MYBPC1: variants seen among roughly 807,000 people sequenced by gnomAD.
The protein encoded by MYBPC1 is myosin-binding protein C, slow-type.
Under a neutral mutation model 147.1 loss-of-function variants are expected in MYBPC1, and 52 were observed. The observed-to-expected ratio is 0.35, with a 90% CI of 0.28 to 0.45. The LOEUF is 0.45. Ranked by LOEUF, MYBPC1 falls within the 20% of genes least tolerant of loss-of-function variation. The probability of loss-of-function intolerance (pLI) is 1.00; values close to 1 mark genes in which losing one functional copy is unlikely to be tolerated. For missense variants in MYBPC1, 1,228 were observed against 1,440.3 expected (o/e 0.85, Z 2.39); for synonymous variants, 477 against 475.9 (o/e 1.00, Z -0.03).
At chr12:101,665,292 CT>C (rs1387050942) in intron 22 of MYBPC1, among the ~76,000 whole-genome samples, 3 of 152,156 alleles carry the variant, frequency 2.0e-5, no homozygotes, top group Non-Finnish European at 4.4e-5. Context: ...ACGTGTATCT[CT>C]TTCTTCTTGC....
At chr12:101,685,223 G>A (rs2136964463) in intron 31 of MYBPC1, among the ~76,000 whole-genome samples, 1 of 152,260 alleles carries the variant, frequency 6.6e-6, no homozygotes, top group South Asian at 2.1e-4. Context: ...AATGTGGTAT[G>A]CATTTATTCT....
intron 24 of MYBPC1, among the ~76,000 whole-genome samples, chr12:101,670,928 G>A (rs1280138330): frequency 1.3e-5 from 2 of 152,098 alleles, no homozygotes; most frequent in African/African-American, 4.8e-5. Context: ...AAAAGAATCT[G>A]TTCTTCACAA....
intron 22 of MYBPC1, among the ~76,000 whole-genome samples, chr12:101,663,818 T>C (rs548913691): frequency 6.6e-6 from 1 of 152,278 alleles, no homozygotes; most frequent in East Asian, 1.9e-4. Flanking sequence ...GAGGAAGAGA[T>C]TGTAACAAAA....
chr12:101,678,638 C>T (rs1900636038), intron 28 of MYBPC1, among the ~76,000 whole-genome samples: 1 of 152,174 alleles, frequency 6.6e-6, no homozygotes, highest in Admixed American at 6.5e-5. Flanking sequence ...CACTGTAAGA[C>T]AGAATATGAA....
At chr12:101,639,662 C>G (rs1891647850) in intron 10 of MYBPC1, among the ~76,000 whole-genome samples, 1 of 152,154 alleles carries the variant, frequency 6.6e-6, no homozygotes, top group South Asian at 2.1e-4. Flanking sequence ...ACAAAACTGA[C>G]TCAGGAAATC....
At chr12:101,667,303 T>C (rs1178406507) in intron 22 of MYBPC1, among the ~76,000 whole-genome samples, 2 of 152,186 alleles carry the variant, frequency 1.3e-5, no homozygotes, top group Non-Finnish European at 2.9e-5. Context: ...TATATGACTA[T>C]AAAGGTCAAT....
chr12:101,625,649 T>C (rs825072), intron 3 of MYBPC1, among the ~76,000 whole-genome samples: 23,020 of 152,184 alleles, frequency 0.15, 1,990 homozygotes, highest in East Asian at 0.32. Flanking sequence ...GACGTTCTTT[T>C]TCTTATAGCA....
rs769563757 is a variant in MYBPC1, at chr12:101,669,940, G to GA, written c.2525-370dup. On this transcript the variant is annotated intron_variant, in intron 23 of 31. Transcript: ENST00000361466. ...AGAGAGACTCTCTGAAAAAAAAAAAGAAAAAAAAAAAGAAACTATGAAAAG... is the reference window on the plus strand; with the variant it reads ...AGAGAGACTCTCTGAAAAAAAAAAAGAAAAAAAAAAAAGAAACTATGAAAAG... 770 of 188,264 alleles carry GA rather than the reference G, an allele frequency of 4.1e-3. 3 individuals carry two copies. Among genetic ancestry groups the GA allele is most frequent in the South Asian group, 0.01 (262 of 26,012 alleles). 11.7% of individuals were successfully genotyped at this position (188,264 alleles called of 1,614,324 possible). A position where few individuals can be genotyped will look rare whatever the true frequency, so the allele number is the denominator to read the frequency against.
intron 8 of MYBPC1, among the ~76,000 whole-genome samples, chr12:101,633,211 C>A (rs1745887687): frequency 6.6e-6 from 1 of 152,104 alleles, no homozygotes; most frequent in Admixed American, 6.5e-5. Context: ...ATGAAGAATC[C>A]AAAAACCACA....
intron 26 of MYBPC1, 72 bp from the exon 27 acceptor site, chr12:101,677,163 C>A (rs1900186735): frequency 6.8e-7 from 1 of 1,464,098 alleles, no homozygotes; most frequent in Non-Finnish European, 9.5e-7. Flanking sequence ...TGTTATTTAT[C>A]CCAATCTACA....
chr12:101,598,225 G>T (rs1356751119), intron 1 of MYBPC1, among the ~76,000 whole-genome samples: 4 of 152,024 alleles, frequency 2.6e-5, no homozygotes, highest in African/African-American at 9.7e-5. Context: ...TCGCCATGTT[G>T]GCCAGGCTGG....
chr12:101,669,154 T>C (rs932704126), intron 23 of MYBPC1, among the ~76,000 whole-genome samples: 1 of 152,152 alleles, frequency 6.6e-6, no homozygotes, highest in Non-Finnish European at 1.5e-5. Context: ...ATGTTTTTTT[T>C]CTAGACTTGT....
At chr12:101,667,945 C>G in intron 23 of MYBPC1, 46 bp downstream of exon 23, 1 of 1,589,444 alleles carries the variant, frequency 6.3e-7, no homozygotes, top group South Asian at 1.1e-5. Context: ...TTACATGGTT[C>G]ACTTTTTTTT....
chr12:101,629,330 G>A, intron 5 of MYBPC1, 104 bp from the exon 6 acceptor site: 1 of 795,600 alleles, frequency 1.3e-6, no homozygotes, highest in African/African-American at 1.7e-5. Flanking sequence ...AGGTTTATTA[G>A]ACAAAGAAAA....
At chr12:101,671,378 G>C (rs558750170) in intron 24 of MYBPC1, among the ~76,000 whole-genome samples, 102 of 151,336 alleles carry the variant, frequency 6.7e-4, no homozygotes, top group Non-Finnish European at 1.3e-3. Context: ...TGCACACACA[G>C]AGAGAACTCT....
intron 3 of MYBPC1, among the ~76,000 whole-genome samples, chr12:101,622,194 A>T (rs1024652039): frequency 4.6e-5 from 7 of 152,194 alleles, no homozygotes; most frequent in African/African-American, 1.4e-4. Context: ...AAAATGTTGT[A>T]AGATGCTACG....
chr12:101,682,216 G>A (rs1165456371), intron 29 of MYBPC1, among the ~76,000 whole-genome samples: 2 of 151,548 alleles, frequency 1.3e-5, no homozygotes, highest in African/African-American at 4.8e-5. Flanking sequence ...AAAAAAAAAA[G>A]TACCACTTAT....
chr12:101,603,345 CAAAAAA>C (rs111935505), intron 1 of MYBPC1, among the ~76,000 whole-genome samples: 26 of 127,940 alleles, frequency 2.0e-4, no homozygotes, highest in Non-Finnish European at 3.9e-4. Flanking sequence ...AACTCCGTCT[CAAAAAA>C]AAAAAAAAGA....
intron 12 of MYBPC1, among the ~76,000 whole-genome samples, chr12:101,645,058 G>C (rs1892792290): frequency 6.6e-6 from 1 of 152,062 alleles, no homozygotes; most frequent in African/African-American, 2.4e-5. Context: ...TAGGTTATAT[G>C]TGATTATTTC....
Sources: allele counts gnomAD v4.1 joint callset (sites outside exome capture counted in the v4.1 genomes callset), GRCh38; gene constraint gnomAD v4.1.1; transcripts MANE v1.5; gene names NCBI Gene and HGNC (gene_info 2026-07-23, HGNC 2026-07-21).